The following WWP2 variants were observed in gnomAD, a reference collection of about 807,000 sequenced individuals.
The protein encoded by WWP2 is WW domain containing E3 ubiquitin protein ligase 2.
A neutral mutation model predicts 121.0 loss-of-function variants in WWP2; 57 were observed. The observed-to-expected ratio is 0.47, with a 90% CI of 0.38 to 0.59. The LOEUF is 0.59. WWP2 is among the 20% of genes least tolerant of loss of function. The pLI is 0.00. For missense variants in WWP2, 962 were observed against 1,158.9 expected, an observed-to-expected ratio of 0.83 and a Z score of 2.47; for synonymous variants, 449 against 441.3, an observed-to-expected ratio of 1.02 and a Z score of -0.22.
In WWP2 at chr16:69,935,389, T is replaced by G. The variant is rs2058781610; in HGVS notation, c.1843-464T>G. Among the ~76,000 whole-genome samples the G allele has an allele frequency of 6.6e-6, 1 of 152,198 alleles. No individual in the cohort carries two copies. Among genetic ancestry groups the G allele is most frequent in the African/African-American group, 2.4e-5 (1 of 41,448 alleles). On this transcript the variant is annotated intron_variant, in intron 17 of 23. Coordinates refer to ENST00000359154, the MANE Select transcript of WWP2 (RefSeq NM_001270454.2). The surrounding 1 kb of genome is among the most constrained non-coding windows in gnomAD (Gnocchi z 5.2). ...AGGACAGACCGGTAAAACCCTAGAC[T>G]ATTACTCACCATTGGCCGCCAGCTC...
chr16:69,839,417 C>A (rs1443882056), intron 4 of WWP2, among the ~76,000 whole-genome samples: 1 of 152,148 alleles, frequency 6.6e-6, no homozygotes, highest in Non-Finnish European at 1.5e-5. Context: ...CAGTTTCTAG[C>A]CTGCCTAGGG....
intron 1 of WWP2, chr16:69,783,027 T>TC (rs1254618055): frequency 1.3e-5 from 2 of 149,968 alleles, no homozygotes; most frequent in African/African-American, 4.9e-5. Context: ...TTTTTTTTTT[T>TC]TGAGATGGAG....
chr16:69,893,096 C>G (rs1313357149), intron 8 of WWP2, among the ~76,000 whole-genome samples: 1 of 152,190 alleles, frequency 6.6e-6, no homozygotes, highest in African/African-American at 2.4e-5. Flanking sequence ...GCTGGTCACT[C>G]TTTCTGAAAC....
intron 3 of WWP2, 123 bp downstream of exon 3, chr16:69,798,952 A>C: frequency 7.0e-7 from 1 of 1,430,432 alleles, no homozygotes; most frequent in Non-Finnish European, 9.4e-7. Context: ...TATGGTACCC[A>C]AGGTGACTCT....
chr16:69,806,098 G>A lies in WWP2; in HGVS notation c.340+6803G>A, dbSNP rs1035891442. On this transcript the variant is annotated intron_variant, in intron 4 of 23. Coordinates refer to ENST00000359154, the MANE Select transcript of WWP2 (RefSeq NM_001270454.2). Reference sequence around the variant, plus strand: ...CGCCTGTAGTCCCACCTACTTGGGTGACTGAGGCAGGAGGATCACTTGAGT... The same window carrying A: ...CGCCTGTAGTCCCACCTACTTGGGTAACTGAGGCAGGAGGATCACTTGAGT... 1.1e-4 allele frequency among the ~76,000 whole-genome samples: 17 copies of A among 151,846 alleles called. 2 individuals are homozygous for A. The highest frequency in any genetic ancestry group is 3.9e-4 in the East Asian group (2 of 5,180).
At chr16:69,929,556 C>T (rs373902710) in intron 12 of WWP2, 27 bp downstream of exon 12, 197 of 1,607,552 alleles carry the variant, frequency 1.2e-4, no homozygotes, top group East Asian at 3.6e-4. Context: ...AGAGGGGGGC[C>T]GGGCTGGGCT....
At chr16:69,915,571 G>A (rs1433842399) in intron 9 of WWP2, among the ~76,000 whole-genome samples, 3 of 152,088 alleles carry the variant, frequency 2.0e-5, no homozygotes, top group Non-Finnish European at 2.9e-5. Context: ...AAGACAAAAA[G>A]CAATGAAATA....
chr16:69,845,185 G>A (rs892713135), intron 6 of WWP2, among the ~76,000 whole-genome samples: 4 of 152,082 alleles, frequency 2.6e-5, no homozygotes, highest in Non-Finnish European at 5.9e-5. Context: ...GTTATTGTGG[G>A]AATGAACTGA....
chr16:69,869,034 G>A lies in WWP2; in HGVS notation c.576-2770G>A, dbSNP rs189598783. 2.2e-3 allele frequency among the ~76,000 whole-genome samples: 336 copies of A among 152,196 alleles called. 2 individuals carry two copies. The highest frequency in any genetic ancestry group is 5.6e-3 in the South Asian group (27 of 4,816). ...CTCTGAAGTAGCTGGGATTATAAGC[G>A]CTCACCACCATGCCTGGCTAATTTT... On this transcript the variant is annotated intron_variant, in intron 6 of 23. Transcript: ENST00000359154.
rs1567447431 is a variant in WWP2, at chr16:69,937,229, A to G, written c.2229A>G (p.Lys743=). The change falls in exon 20 of 24, where the codon AAA becomes AAG. Residue 743 remains lysine (K), a synonymous_variant. Transcript: ENST00000359154. The surrounding 1 kb of genome is among the most constrained non-coding windows in gnomAD (Gnocchi z 6.6). ...PLEWLRYFDE[K]ELELMLCGMQ... is the part of the protein sequence containing the mutation. ...AGTGGCTGCGCTACTTTGACGAGAA[A>G]GAGCTGGAGGTGAGTGTCTGAGGTT... 6.8e-6 allele frequency: 11 copies of G among 1,613,500 alleles called. No individual in the cohort carries two copies. Among genetic ancestry groups the G allele is most frequent in the Middle Eastern group, 1.7e-4 (1 of 6,060 alleles).
chr16:69,857,075 TTC>T (rs1253313005), intron 6 of WWP2, among the ~76,000 whole-genome samples: 2 of 152,120 alleles, frequency 1.3e-5, no homozygotes, highest in Non-Finnish European at 2.9e-5. Context: ...GTCCTACAGT[TTC>T]TGTTTCCCAT....
rs2058683017 is a variant in WWP2, at chr16:69,929,529, G to A, written c.1316G>A (p.Gly439Glu). The change falls in exon 12 of 24, where the codon GGG becomes GAG. Residue 439 changes from glycine (G) to glutamate (E), a missense_variant and splice_region_variant. Around this residue, in one of 3 missense-constraint regions of WWP2, gnomAD observed 606 missense variants for 772.6 expected, o/e 0.78. Transcript: ENST00000359154. ...TTQWEDPRTQ[G>E]MIQEPALPPG... Reference sequence around the variant, plus strand: ...CAGTGGGAGGATCCCCGGACCCAGGGGTAAGGACTTGGGCTGAGAGGGGGG... The same window carrying A: ...CAGTGGGAGGATCCCCGGACCCAGGAGTAAGGACTTGGGCTGAGAGGGGGG... 1.2e-6 allele frequency: 2 copies of A among 1,614,098 alleles called. No homozygotes were observed. Among genetic ancestry groups the A allele is most frequent in the Non-Finnish European group, 1.7e-6 (2 of 1,179,956 alleles).
At chr16:69,847,716 T>C (rs890080203) in intron 6 of WWP2, among the ~76,000 whole-genome samples, 5 of 152,048 alleles carry the variant, frequency 3.3e-5, no homozygotes, top group Non-Finnish European at 7.4e-5. Context: ...CCAGGCTCTT[T>C]TTAATAACCC....
Position 69,813,781 on chromosome 16 carries a change from A to G in WWP2, c.340+14486A>G, listed in dbSNP as rs562253703. On this transcript the variant is annotated intron_variant, in intron 4 of 23. Transcript: ENST00000359154. The stretch of plus-strand genomic sequence containing the variant: ...CCACTGTGCCTGGCCTCTGGTGTTG[A>G]TTTCATGCTAAAATGATCTCTGGCT... Among the ~76,000 whole-genome samples, 111 of 152,086 alleles carry G rather than the reference A, an allele frequency of 7.3e-4. 3 individuals are homozygous for G. The South Asian group carries it at 0.018, about 25-fold the overall frequency.
intron 9 of WWP2, among the ~76,000 whole-genome samples, chr16:69,917,118 A>T (rs2058489874): frequency 1.3e-5 from 2 of 152,268 alleles, no homozygotes; most frequent in African/African-American, 2.4e-5. Flanking sequence ...AAAAGTTGTT[A>T]GCAACATTGG....
intron 2 of WWP2, 76 bp from the exon 3 acceptor site, chr16:69,798,606 G>T: frequency 6.7e-7 from 1 of 1,488,122 alleles, no homozygotes; most frequent in Non-Finnish European, 9.0e-7. Flanking sequence ...ACTAAAAAGA[G>T]CCGGAACATC....
intron 4 of WWP2, among the ~76,000 whole-genome samples, chr16:69,818,588 C>T (rs1035606690): frequency 5.3e-5 from 8 of 152,236 alleles, no homozygotes; most frequent in Non-Finnish European, 2.9e-5. Flanking sequence ...CAGTGACCTC[C>T]GTGTTGCTAA....
chr16:69,812,477 C>CTCTTTTTT (rs2056413535), intron 4 of WWP2, among the ~76,000 whole-genome samples: 1 of 119,904 alleles, frequency 8.3e-6, no homozygotes, highest in Admixed American at 8.9e-5. Flanking sequence ...AACCCCCCCC[C>CTCTTTTTT]TTTTTTTTTT....
chr16:69,845,034 G>A (rs1218832841), intron 6 of WWP2, among the ~76,000 whole-genome samples: 1 of 152,218 alleles, frequency 6.6e-6, no homozygotes, highest in Non-Finnish European at 1.5e-5. Context: ...TTGGATAAAG[G>A]TGTAGGGCTT....
Sources: gnomAD v4.1 joint callset for allele counts (sites outside exome capture counted in the v4.1 genomes callset) on GRCh38, gnomAD v4.1.1 for gene constraint, gnomAD v4.1.1 regional missense constraint, Gnocchi (gnomAD v3.1) non-coding constraint, MANE v1.5 for transcripts, NCBI Gene and HGNC (gene_info 2026-07-23, HGNC 2026-07-21) for gene names.